FOXK1: variants seen among roughly 807,000 people sequenced by gnomAD.
The protein encoded by FOXK1 is forkhead box K1.
In FOXK1, 19 loss-of-function variants were observed where a neutral mutation model predicts 51.9. The ratio of observed to expected loss-of-function variants is 0.37; its 90% CI spans 0.26 to 0.54. The LOEUF is 0.54. FOXK1 is among the 20% of genes least tolerant of loss of function. The probability of loss-of-function intolerance (pLI) is 0.87; values close to 1 mark genes in which losing one functional copy is unlikely to be tolerated. For missense variants in FOXK1, 870 were observed against 1,032.7 expected (o/e 0.84, Z 2.16); for synonymous variants, 537 against 482.6 (o/e 1.11, Z -1.48).
In FOXK1 at chr7:4,755,140, C is replaced by A. The variant is rs1780829792; in HGVS notation, c.904-97C>A. ...CGGGTGCCGGCAAGACGCGCACATT[C>A]TCGTGGGAAGGTTCCTCCCCATCAG... is the stretch of plus-strand genomic sequence containing the variant. On this transcript the variant is annotated intron_variant, in intron 3 of 8. Transcript: ENST00000328914. This position sits in a 1 kb window ranked among gnomAD's most constrained non-coding sequence, Gnocchi z 6.6. 2.0e-6 allele frequency: 3 copies of A among 1,494,888 alleles called. No homozygotes were observed. Among genetic ancestry groups the A allele is most frequent in the Non-Finnish European group, 2.7e-6 (3 of 1,100,962 alleles). The allele number at this position is 1,494,888 out of a possible 1,614,324, so 92.6% of individuals were successfully genotyped here.
chr7:4,732,334 A>T (rs992547597), intron 1 of FOXK1, among the ~76,000 whole-genome samples: 47 of 152,094 alleles, frequency 3.1e-4, no homozygotes, highest in African/African-American at 1.1e-3. Context: ...TTCTCCATTC[A>T]TTCATTCATT....
At position 4,748,625 on chromosome 7, in the gene FOXK1, C is replaced by T. The variant is rs374433967; in HGVS notation, c.747-5834C>T. On this transcript the variant is annotated intron_variant, in intron 2 of 8. Coordinates refer to ENST00000328914, the MANE Select transcript of FOXK1 (RefSeq NM_001037165.2). The surrounding 1 kb of genome is among the most constrained non-coding windows in gnomAD (Gnocchi z 4.9). ...AGAGAGGGCTGTTTCCTGATTCCCA[C>T]GTCTTCCTCTTTCCTGATTTGTTCC... 3.9e-5 allele frequency among the ~76,000 whole-genome samples: 6 copies of T among 152,316 alleles called. No homozygotes were observed. The highest frequency in any genetic ancestry group is 2.1e-4 in the South Asian group (1 of 4,828).
intron 1 of FOXK1, among the ~76,000 whole-genome samples, chr7:4,705,516 T>TC (rs1491394068): frequency 8.7e-4 from 110 of 127,166 alleles, no homozygotes; most frequent in Admixed American, 2.7e-3. Flanking sequence ...TTTCCTTCTC[T>TC]TTCTCTCTCT....
At chr7:4,732,710 C>G (rs1279491087) in intron 1 of FOXK1, among the ~76,000 whole-genome samples, 1 of 152,192 alleles carries the variant, frequency 6.6e-6, no homozygotes, top group East Asian at 1.9e-4. Flanking sequence ...TTAAAGCATC[C>G]TGATTAACAG....
rs1397808210 is a variant in FOXK1, at chr7:4,733,287, C to T, written c.561-7551C>T. The stretch of plus-strand genomic sequence containing the variant: ...CAAGCAATCCTCCAACCTCATCCTC[C>T]CAGAGTGCTGGGATTATAGATGTAA... On this transcript the variant is annotated intron_variant, in intron 1 of 8. Coordinates refer to ENST00000328914, the MANE Select transcript of FOXK1 (RefSeq NM_001037165.2). The surrounding 1 kb of genome is among the most constrained non-coding windows in gnomAD (Gnocchi z 5.0). 1.3e-5 allele frequency among the ~76,000 whole-genome samples: 2 copies of T among 152,060 alleles called. No homozygotes were observed. Among genetic ancestry groups the T allele is most frequent in the African/African-American group, 4.8e-5 (2 of 41,416 alleles).
At position 4,722,369 on chromosome 7, in the gene FOXK1, G is replaced by A. The variant is rs544440757; in HGVS notation, c.561-18469G>A. ...TGCCTCTTATGTACTTTGGTCGTTCGTATTTCCTAGGCTTAAAACCCATTC... is the reference window on the plus strand; with the variant it reads ...TGCCTCTTATGTACTTTGGTCGTTCATATTTCCTAGGCTTAAAACCCATTC... On this transcript the variant is annotated intron_variant, in intron 1 of 8. Coordinates refer to ENST00000328914, the MANE Select transcript of FOXK1 (RefSeq NM_001037165.2). This position sits in a 1 kb window ranked among gnomAD's most constrained non-coding sequence, Gnocchi z 5.1. 5.7e-4 allele frequency among the ~76,000 whole-genome samples: 87 copies of A among 152,330 alleles called. No individual in the cohort carries two copies. Among genetic ancestry groups the A allele is most frequent in the Middle Eastern group, 3.4e-3 (1 of 294 alleles).
At chr7:4,760,338 G>A (rs1780914986) in intron 7 of FOXK1, among the ~76,000 whole-genome samples, 1 of 152,184 alleles carries the variant, frequency 6.6e-6, no homozygotes. Context: ...GACCCCAGAA[G>A]CTCCTCTCCG....
chr7:4,741,053 C>T (rs1780627882), intron 2 of FOXK1, 30 bp downstream of exon 2: 2 of 1,448,894 alleles, frequency 1.4e-6, no homozygotes, highest in African/African-American at 3.0e-5. Context: ...GCCCTTGGGC[C>T]CCCAGGAGAG....
At chr7:4,739,764 GT>G (rs1024266781) in intron 1 of FOXK1, among the ~76,000 whole-genome samples, 2 of 152,218 alleles carry the variant, frequency 1.3e-5, no homozygotes, top group African/African-American at 4.8e-5. Context: ...TCCTTCCGTT[GT>G]CAGATCTTCT....
chr7:4,705,965 T>TAC (rs1780087462), intron 1 of FOXK1, among the ~76,000 whole-genome samples: 1 of 69,298 alleles, frequency 1.4e-5, no homozygotes, highest in Non-Finnish European at 2.7e-5. Flanking sequence ...TATATGTATA[T>TAC]ATATATACGT....
chr7:4,713,271 T>C (rs1780196252), intron 1 of FOXK1, among the ~76,000 whole-genome samples: 1 of 152,238 alleles, frequency 6.6e-6, no homozygotes. Context: ...AACAGTGCTC[T>C]GTGCCAGGCC....
At chr7:4,695,663 G>C (rs974801866) in intron 1 of FOXK1, among the ~76,000 whole-genome samples, 1 of 152,188 alleles carries the variant, frequency 6.6e-6, no homozygotes, top group African/African-American at 2.4e-5. Context: ...TTAGCCAGGC[G>C]TGGTGGCTCA....
chr7:4,757,927 G>C (rs1188877501), intron 5 of FOXK1: 2 of 152,088 alleles, frequency 1.3e-5, no homozygotes, highest in East Asian at 3.9e-4. Context: ...TGTTTTGAGA[G>C]AATATCTCAG....
intron 1 of FOXK1, among the ~76,000 whole-genome samples, chr7:4,687,221 C>G (rs982232593): frequency 6.6e-6 from 1 of 151,488 alleles, no homozygotes; most frequent in Non-Finnish European, 1.5e-5. Context: ...CGTGAGCCAC[C>G]ACGCCCGGCC....
intron 5 of FOXK1, 85 bp downstream of exon 5, chr7:4,757,272 T>G (rs1256718479): frequency 2.5e-6 from 3 of 1,219,468 alleles, no homozygotes; most frequent in Non-Finnish European, 3.5e-6. Context: ...CAGTCAGCCC[T>G]CCGGATCTGT....
intron 1 of FOXK1, among the ~76,000 whole-genome samples, chr7:4,716,399 G>A (rs1050741503): frequency 4.6e-5 from 7 of 152,152 alleles, no homozygotes; most frequent in Non-Finnish European, 5.9e-5. Context: ...CCAACTACTT[G>A]GGAGGCTAAG....
Position 4,692,645 on chromosome 7 carries a change from C to T in FOXK1, c.560+9777C>T, listed in dbSNP as rs150551408. Among the ~76,000 whole-genome samples, 507 of 152,256 alleles carry T rather than the reference C, an allele frequency of 3.3e-3. 4 individuals are homozygous for T. The highest frequency in any genetic ancestry group is 0.012 in the African/African-American group (489 of 41,550). ...CCTAACCTCAGGTCATCCTTCTGAC[C>T]TCAGGTGATCCGCCTGCCTCAGCCA... On this transcript the variant is annotated intron_variant, in intron 1 of 8. Coordinates refer to ENST00000328914, the MANE Select transcript of FOXK1 (RefSeq NM_001037165.2).
intron 1 of FOXK1, among the ~76,000 whole-genome samples, chr7:4,700,773 C>T (rs1371936146): frequency 6.6e-6 from 1 of 152,042 alleles, no homozygotes; most frequent in Admixed American, 6.6e-5. Context: ...GCTATAATCG[C>T]ACCACTACAC....
In FOXK1 at chr7:4,761,464, C is replaced by T. The variant is rs1780931848; in HGVS notation, c.1921+176C>T. Among the ~76,000 whole-genome samples, 1 of 152,084 alleles carries T rather than the reference C, an allele frequency of 6.6e-6. No individual in the cohort carries two copies. The highest frequency in any genetic ancestry group is 2.4e-5 in the African/African-American group (1 of 41,414). The stretch of plus-strand genomic sequence containing the variant: ...GCAAAGAAAAAGAGGGTGGAAGGGG[C>T]CACCTATCATCCCAGCACCTTGGGA... On this transcript the variant is annotated intron_variant, in intron 8 of 8. Transcript: ENST00000328914. This position sits in a 1 kb window ranked among gnomAD's most constrained non-coding sequence, Gnocchi z 6.2.
Sources: allele counts gnomAD v4.1 joint callset (sites outside exome capture counted in the v4.1 genomes callset), GRCh38; gene constraint gnomAD v4.1.1; non-coding constraint Gnocchi (gnomAD v3.1); transcripts MANE v1.5; gene names NCBI Gene and HGNC (gene_info 2026-07-23, HGNC 2026-07-21).